Variants in TMEM132C observed in about 807,000 individuals in gnomAD.
TMEM132C encodes protein phosphatase 1, regulatory subunit 152.
In TMEM132C, 29 loss-of-function variants were observed where a neutral mutation model predicts 61.4. That is an observed-to-expected ratio of 0.47 (90% CI 0.35 to 0.64). The LOEUF (loss-of-function observed/expected upper bound fraction) is 0.64. TMEM132C is among the 30% of genes least tolerant of loss of function. The pLI is 0.00. For synonymous variants in TMEM132C, 656 were observed against 633.1 expected (o/e 1.04, Z -0.54); for missense variants, 1,408 against 1,476.9 (o/e 0.95, Z 0.76).
At chr12:128,569,405 T>C (rs1874800554) in intron 3 of TMEM132C, among the ~76,000 whole-genome samples, 1 of 152,208 alleles carries the variant, frequency 6.6e-6, no homozygotes, top group South Asian at 2.1e-4. Context: ...TTACTCTGCC[T>C]TTCTTACAAA....
chr12:128,515,557 G>C (rs536258045), intron 2 of TMEM132C, among the ~76,000 whole-genome samples: 2 of 152,192 alleles, frequency 1.3e-5, no homozygotes, highest in Admixed American at 6.5e-5. Flanking sequence ...TCTTTGGCTC[G>C]GCACAGTGGC....
At position 128,657,813 on chromosome 12, in the gene TMEM132C, C is replaced by T. The variant is rs538086212; in HGVS notation, c.1306-11604C>T. ...AAGCAACTTGGTGAATCAGGACATT[C>T]AAATAGTGTCACAGTTTGTGGGCTC... On this transcript the variant is annotated intron_variant, in intron 4 of 8. Transcript: ENST00000435159. Among the ~76,000 whole-genome samples the T allele has an allele frequency of 8.3e-4, 126 of 152,316 alleles. 1 individual carries two copies. Among genetic ancestry groups the T allele is most frequent in the African/African-American group, 2.8e-3 (116 of 41,562 alleles).
chr12:128,391,630 C>T (rs554699023), intron 1 of TMEM132C, among the ~76,000 whole-genome samples: 1 of 152,272 alleles, frequency 6.6e-6, no homozygotes, highest in East Asian at 1.9e-4. Context: ...ATGAACTATC[C>T]ATCATGAACC....
intron 2 of TMEM132C, among the ~76,000 whole-genome samples, chr12:128,515,170 G>A (rs116011176): frequency 0.016 from 2,413 of 152,292 alleles, 52 homozygotes; most frequent in African/African-American, 0.054. Flanking sequence ...TCCCCTACAT[G>A]CTGGAGGTAG....
chr12:128,505,065 G>C (rs890209434), intron 2 of TMEM132C, among the ~76,000 whole-genome samples: 2 of 147,472 alleles, frequency 1.4e-5, no homozygotes, highest in African/African-American at 2.4e-5. Flanking sequence ...GTCAGTGTTA[G>C]AGAGCCCTAG....
intron 1 of TMEM132C, among the ~76,000 whole-genome samples, chr12:128,392,549 TG>T (rs770229816): frequency 2.3e-4 from 35 of 151,818 alleles, no homozygotes; most frequent in Non-Finnish European, 4.4e-4. Flanking sequence ...AGGTGAAGGA[TG>T]GGGAGGAGAC....
At chr12:128,488,678 A>G (rs1175025612) in intron 2 of TMEM132C, among the ~76,000 whole-genome samples, 1 of 151,538 alleles carries the variant, frequency 6.6e-6, no homozygotes, top group East Asian at 1.9e-4. Flanking sequence ...ATATAGAAAG[A>G]TATTATAAAT....
chr12:128,578,083 T>C (rs2135557734), intron 3 of TMEM132C, among the ~76,000 whole-genome samples: 1 of 152,364 alleles, frequency 6.6e-6, no homozygotes, highest in South Asian at 2.1e-4. Context: ...ACTGTATCAT[T>C]TGCCATAAAT....
intron 5 of TMEM132C, among the ~76,000 whole-genome samples, chr12:128,676,954 G>A (rs1034912004): frequency 6.6e-6 from 1 of 152,192 alleles, no homozygotes; most frequent in African/African-American, 2.4e-5. Context: ...CTGGATGTCG[G>A]CCTCTTTGTT....
At chr12:128,618,305 T>G (rs1041921954) in intron 4 of TMEM132C, among the ~76,000 whole-genome samples, 4 of 152,236 alleles carry the variant, frequency 2.6e-5, no homozygotes, top group African/African-American at 7.2e-5. Flanking sequence ...CTTGTGGTGG[T>G]TGTGTTTTCA....
intron 5 of TMEM132C, among the ~76,000 whole-genome samples, chr12:128,676,901 G>A (rs1954593825): frequency 6.6e-6 from 1 of 152,228 alleles, no homozygotes; most frequent in South Asian, 2.1e-4. Flanking sequence ...TGTCTGCGAT[G>A]TGCAGGTTAA....
chr12:128,532,387 C>A lies in TMEM132C; in HGVS notation c.975-11570C>A, dbSNP rs147075915. Among the ~76,000 whole-genome samples, 820 of 151,742 alleles carry A rather than the reference C, an allele frequency of 5.4e-3. 13 individuals carry two copies. The highest frequency in any genetic ancestry group is 0.018 in the African/African-American group (761 of 41,420). ...GGCGCAGTGGCTCACACCTGTAATCCCAGCATTTTGGGAGGCCAAAGCGGG... is the reference window on the plus strand; with the variant it reads ...GGCGCAGTGGCTCACACCTGTAATCACAGCATTTTGGGAGGCCAAAGCGGG... On this transcript the variant is annotated intron_variant, in intron 2 of 8. Coordinates refer to ENST00000435159, the MANE Select transcript of TMEM132C (RefSeq NM_001136103.3).
chr12:128,638,185 C>T (rs1954117796), intron 4 of TMEM132C, among the ~76,000 whole-genome samples: 1 of 152,138 alleles, frequency 6.6e-6, no homozygotes, highest in Admixed American at 6.5e-5. Context: ...TTCCTGACAC[C>T]TGCTCAGTGC....
At chr12:128,271,607 G>T (rs375285457) in intron 1 of TMEM132C, among the ~76,000 whole-genome samples, 25 of 152,184 alleles carry the variant, frequency 1.6e-4, no homozygotes, top group African/African-American at 5.5e-4. Flanking sequence ...TTCTTTTATG[G>T]CTACCTTGTG....
chr12:128,605,693 G>A (rs1206527750), intron 3 of TMEM132C, among the ~76,000 whole-genome samples: 1 of 152,130 alleles, frequency 6.6e-6, no homozygotes, highest in Non-Finnish European at 1.5e-5. Flanking sequence ...AAGTGGGAGA[G>A]GACAGCTTCA....
chr12:128,387,582 C>T (rs1270954272), intron 1 of TMEM132C, among the ~76,000 whole-genome samples: 4 of 152,232 alleles, frequency 2.6e-5, no homozygotes, highest in East Asian at 3.9e-4. Flanking sequence ...GAGGCCGAGG[C>T]GGGTGGATCA....
At chr12:128,528,923 G>A (rs1056172060) in intron 2 of TMEM132C, among the ~76,000 whole-genome samples, 4 of 152,120 alleles carry the variant, frequency 2.6e-5, no homozygotes, top group Admixed American at 6.6e-5. Context: ...AAAAGTTACT[G>A]TCAACTGCGG....
intron 1 of TMEM132C, among the ~76,000 whole-genome samples, chr12:128,276,894 G>GCACACACACACA (rs71069547): frequency 0.015 from 2,305 of 150,002 alleles, 57 homozygotes; most frequent in African/African-American, 0.047. Context: ...GTGCGTGCAT[G>GCACACACACACA]CACACACACA....
At position 128,287,447 on chromosome 12, in the gene TMEM132C, T is replaced by G. The variant is rs182169529; in HGVS notation, c.85+19960T>G. Among the ~76,000 whole-genome samples the G allele has an allele frequency of 3.9e-3, 589 of 152,178 alleles. 2 individuals are homozygous for G. Among genetic ancestry groups the G allele is most frequent in the Non-Finnish European group, 5.1e-3 (349 of 68,018 alleles). ...TTTATCAGTATTTTTCTTAATAGCT[T>G]TGTCTGAATGTTTCTCTCTCTCTCC... On this transcript the variant is annotated intron_variant, in intron 1 of 8. Transcript: ENST00000435159.
Sources: allele counts gnomAD v4.1 joint callset (sites outside exome capture counted in the v4.1 genomes callset), GRCh38; gene constraint gnomAD v4.1.1; transcripts MANE v1.5; gene names NCBI Gene and HGNC (gene_info 2026-07-23, HGNC 2026-07-21).